Variants in FOXN3 observed in about 807,000 individuals in gnomAD.
The protein encoded by FOXN3 is forkhead box protein N3.
A neutral mutation model predicts 38.4 loss-of-function variants in FOXN3; 7 were observed. That is an observed-to-expected ratio of 0.18 (90% CI 0.10 to 0.34). The LOEUF is 0.34. FOXN3 is among the 10% of genes least tolerant of loss of function. The probability of loss-of-function intolerance (pLI) is 1.00; values close to 1 mark genes in which losing one functional copy is unlikely to be tolerated. For missense variants in FOXN3, 456 were observed against 613.4 expected, an observed-to-expected ratio of 0.74 and a Z score of 2.71; for synonymous variants, 230 against 242.2, an observed-to-expected ratio of 0.95 and a Z score of 0.47.
chr14:89,402,734 G>A (rs1489036703), intron 2 of FOXN3, among the ~76,000 whole-genome samples: 1 of 152,210 alleles, frequency 6.6e-6, no homozygotes, highest in South Asian at 2.1e-4. Flanking sequence ...TGAGAAGACT[G>A]AGAATGGAAA....
chr14:89,459,607 T>G (rs977016701), intron 1 of FOXN3, among the ~76,000 whole-genome samples: 4 of 152,156 alleles, frequency 2.6e-5, no homozygotes, highest in Admixed American at 2.0e-4. Flanking sequence ...TGGAACTCAC[T>G]TCTTGTTCAT....
intron 4 of FOXN3, among the ~76,000 whole-genome samples, chr14:89,192,110 T>C (rs1274134802): frequency 2.0e-5 from 3 of 146,954 alleles, no homozygotes; most frequent in African/African-American, 7.4e-5. Flanking sequence ...TTTATATATT[T>C]GGCAACTCCA....
intron 4 of FOXN3, among the ~76,000 whole-genome samples, chr14:89,257,481 T>C (rs887971316): frequency 3.3e-5 from 5 of 152,216 alleles, no homozygotes; most frequent in African/African-American, 1.2e-4. Flanking sequence ...TTACCACCTG[T>C]AAGTACCAAT....
intron 3 of FOXN3, among the ~76,000 whole-genome samples, chr14:89,308,492 G>GTCATTCTGTGAAT (rs1887441629): frequency 6.6e-6 from 1 of 152,176 alleles, no homozygotes; most frequent in African/African-American, 2.4e-5. Context: ...CTGTACCTGG[G>GTCATTCTGTGAAT]GAAAGGTGTC....
At position 89,158,659 on chromosome 14, in the gene FOXN3, T is replaced by C. The variant is rs942872571; in HGVS notation, c.*3755A>G. 10 of 152,526 alleles carry C rather than the reference T, an allele frequency of 6.6e-5. No individual in the cohort carries two copies. The highest frequency in any genetic ancestry group is 3.9e-4 in the East Asian group (2 of 5,194). 9.4% of individuals were successfully genotyped at this position (152,526 alleles called of 1,614,324 possible). On this transcript the variant is annotated 3_prime_UTR_variant, in exon 6 of 6. Coordinates refer to ENST00000557258, the MANE Select transcript of FOXN3 (RefSeq NM_005197.4). The stretch of plus-strand genomic sequence containing the variant: ...ATCTATGATGCAAACCCTTTCCACA[T>C]AGTACTAGATAAAGACAAAAGACAA...
intron 4 of FOXN3, among the ~76,000 whole-genome samples, chr14:89,214,808 T>C (rs1884218862): frequency 6.6e-6 from 1 of 152,262 alleles, no homozygotes; most frequent in African/African-American, 2.4e-5. Flanking sequence ...GAGTATTTTC[T>C]TGAAAGAAAA....
intron 3 of FOXN3, among the ~76,000 whole-genome samples, chr14:89,304,040 C>T (rs946699886): frequency 6.6e-6 from 1 of 152,180 alleles, no homozygotes; most frequent in Non-Finnish European, 1.5e-5. Flanking sequence ...TGAAGGCAGC[C>T]GTTTCCAGCT....
chr14:89,396,602 G>T (rs1387495839), intron 2 of FOXN3, among the ~76,000 whole-genome samples: 1 of 152,112 alleles, frequency 6.6e-6, no homozygotes, highest in East Asian at 1.9e-4. Context: ...TGGGAGGCGA[G>T]GCGGGTGGAT....
intron 4 of FOXN3, among the ~76,000 whole-genome samples, chr14:89,197,262 C>T (rs1566926795): frequency 6.6e-6 from 1 of 152,216 alleles, no homozygotes; most frequent in East Asian, 1.9e-4. Flanking sequence ...AATCCCACCA[C>T]TTTGGGAGGC....
chr14:89,441,269 G>A (rs914542063), intron 1 of FOXN3, among the ~76,000 whole-genome samples: 1 of 152,006 alleles, frequency 6.6e-6, no homozygotes, highest in Non-Finnish European at 1.5e-5. Context: ...ACTCCCCAAC[G>A]ACTCCATTCA....
intron 2 of FOXN3, among the ~76,000 whole-genome samples, chr14:89,379,734 C>T (rs1279668423): frequency 2.0e-5 from 3 of 152,114 alleles, no homozygotes; most frequent in East Asian, 1.9e-4. Flanking sequence ...CTGCAACCTC[C>T]GCCCTCCCTC....
intron 3 of FOXN3, among the ~76,000 whole-genome samples, chr14:89,300,263 AC>A (rs1887177798): frequency 6.7e-6 from 1 of 150,194 alleles, no homozygotes; most frequent in South Asian, 2.1e-4. Flanking sequence ...GCTCATTGCA[AC>A]CTCTACCTCC....
intron 1 of FOXN3, among the ~76,000 whole-genome samples, chr14:89,449,519 C>T (rs1213174605): frequency 6.6e-6 from 1 of 152,210 alleles, no homozygotes; most frequent in African/African-American, 2.4e-5. Flanking sequence ...CACAGCAAGT[C>T]AATCAGAGGA....
At chr14:89,264,514 G>A (rs987213686) in intron 4 of FOXN3, among the ~76,000 whole-genome samples, 5 of 152,070 alleles carry the variant, frequency 3.3e-5, no homozygotes, top group African/African-American at 4.8e-5. Flanking sequence ...ATAAGATTTC[G>A]GTGGGGACAC....
At chr14:89,496,209 G>A (rs117212759) in intron 1 of FOXN3, among the ~76,000 whole-genome samples, 6,133 of 151,962 alleles carry the variant, frequency 0.04, 149 homozygotes, top group African/African-American at 0.062. Flanking sequence ...GCAAAACTCC[G>A]TCTCAAAAAA....
intron 1 of FOXN3, among the ~76,000 whole-genome samples, chr14:89,496,300 GGCTGGT>G (rs1256602163): frequency 6.6e-6 from 1 of 152,172 alleles, no homozygotes; most frequent in African/African-American, 2.4e-5. Context: ...GATTAACTAT[GGCTGGT>G]GGTGGAAGTT....
intron 1 of FOXN3, among the ~76,000 whole-genome samples, chr14:89,615,754 A>G (rs1896482746): frequency 6.6e-6 from 1 of 152,230 alleles, no homozygotes; most frequent in Admixed American, 6.5e-5. Context: ...AATCAGTTAA[A>G]TATCTGGGTG....
intron 1 of FOXN3, among the ~76,000 whole-genome samples, chr14:89,518,359 C>T (rs1355417087): frequency 6.6e-6 from 1 of 152,202 alleles, no homozygotes; most frequent in East Asian, 1.9e-4. Flanking sequence ...ACCTCTCATA[C>T]CAGGTTTCCA....
chr14:89,507,270 A>G (rs1382242272), intron 1 of FOXN3, among the ~76,000 whole-genome samples: 2 of 152,234 alleles, frequency 1.3e-5, no homozygotes, highest in Non-Finnish European at 2.9e-5. Context: ...AACAGTAAGC[A>G]TTGGGCTAAT....
Sources: allele counts gnomAD v4.1 joint callset (sites outside exome capture counted in the v4.1 genomes callset), GRCh38; gene constraint gnomAD v4.1.1; transcripts MANE v1.5; gene names NCBI Gene and HGNC (gene_info 2026-07-23, HGNC 2026-07-21).